Variants in ABCB1 observed in about 807,000 individuals in gnomAD.
ABCB1 encodes the protein ATP-dependent translocase ABCB1.
In ABCB1, 69 loss-of-function variants were observed where a neutral mutation model predicts 142.0. The observed-to-expected ratio is 0.49, with a 90% CI of 0.40 to 0.59. The LOEUF is 0.59. ABCB1 is among the 20% of genes least tolerant of loss of function. The pLI, the probability that ABCB1 is intolerant of heterozygous loss-of-function variation, is 0.00. For synonymous variants in ABCB1, 532 were observed against 539.2 expected, an observed-to-expected ratio of 0.99 and a Z score of 0.18; for missense variants, 1,326 against 1,554.7, an observed-to-expected ratio of 0.85 and a Z score of 2.47.
chr7:87,565,525 A>T (rs1156241232), intron 7 of ABCB1: 1 of 432,970 alleles, frequency 2.3e-6, no homozygotes, highest in Non-Finnish European at 4.6e-6. Flanking sequence ...ACTAGAAAGT[A>T]TCTGTTTTCT....
At chr7:87,633,614 A>G (rs1213223324) in intron 1 of ABCB1, among the ~76,000 whole-genome samples, 1 of 151,738 alleles carries the variant, frequency 6.6e-6, no homozygotes, top group Non-Finnish European at 1.5e-5. Context: ...TGACTTGCAG[A>G]TTATAATTGG....
At position 87,684,746 on chromosome 7, in the gene ABCB1, CAAAAAAAAAA is replaced by C. The variant is rs71524694; in HGVS notation, c.-331+28405_-331+28414del. 2.9e-4 allele frequency among the ~76,000 whole-genome samples: 11 copies of C among 37,792 alleles called. 1 individual carries two copies. Among genetic ancestry groups the C allele is most frequent in the East Asian group, 2.5e-3 (3 of 1,188 alleles). 24.8% of individuals were successfully genotyped at this position (37,792 alleles called of 152,430 possible). A position where few individuals can be genotyped will look rare whatever the true frequency, so the allele number is the denominator to read the frequency against. On this transcript the variant is annotated intron_variant, in intron 1 of 28. Coordinates refer to the ABCB1 transcript ENST00000265724. The stretch of plus-strand genomic sequence containing the variant: ...CTGGTGACAGAGTGAGACTCCGTCT[CAAAAAAAAAA>C]AAAAAAAAAAAAAAAAAGAATAGAA...
At chr7:87,639,509 G>T (rs1013004776) in intron 1 of ABCB1, among the ~76,000 whole-genome samples, 6 of 152,084 alleles carry the variant, frequency 3.9e-5, no homozygotes, top group African/African-American at 1.4e-4. Context: ...CTCTATGACT[G>T]TAGATTTGTC....
intron 7 of ABCB1, 69 bp downstream of exon 7, chr7:87,566,001 C>G: frequency 6.4e-7 from 1 of 1,560,208 alleles, no homozygotes; most frequent in Non-Finnish European, 8.8e-7. Context: ...GTAAAAAGAC[C>G]TTTCCGTAGG....
chr7:87,604,518 T>C (rs1303291713), upstream of ABCB1, among the ~76,000 whole-genome samples: 2 of 152,144 alleles, frequency 1.3e-5, no homozygotes, highest in African/African-American at 4.8e-5. Context: ...ATGAAGGACA[T>C]GTGATGATAG....
chr7:87,592,798 G>C (rs1303234724), intron 3 of ABCB1, among the ~76,000 whole-genome samples: 1 of 151,984 alleles, frequency 6.6e-6, no homozygotes, highest in Non-Finnish European at 1.5e-5. Context: ...ACAAATGCCT[G>C]GTACAAGGGA....
chr7:87,542,943 T>C (rs963153208), intron 17 of ABCB1, among the ~76,000 whole-genome samples: 1 of 152,192 alleles, frequency 6.6e-6, no homozygotes, highest in Non-Finnish European at 1.5e-5. Context: ...CTGGACCATA[T>C]ACTCTACAGA....
chr7:87,609,856 G>GA (rs969891806), intron 1 of ABCB1, among the ~76,000 whole-genome samples: 85 of 146,704 alleles, frequency 5.8e-4, no homozygotes, highest in South Asian at 2.0e-3. Flanking sequence ...TGCAAGATTT[G>GA]AAAAAAAAAA....
chr7:87,644,511 A>G (rs543453387), intron 1 of ABCB1, among the ~76,000 whole-genome samples: 11 of 152,338 alleles, frequency 7.2e-5, no homozygotes, highest in South Asian at 6.2e-4. Context: ...CATCACTCTT[A>G]TTAATGACTT....
intron 4 of ABCB1, among the ~76,000 whole-genome samples, chr7:87,578,700 T>C (rs1272395330): frequency 6.8e-6 from 1 of 147,954 alleles, no homozygotes; most frequent in Admixed American, 6.7e-5. Flanking sequence ...TTCTTTTTTT[T>C]TTTTTTTTTT....
intron 1 of ABCB1, among the ~76,000 whole-genome samples, chr7:87,609,298 C>T (rs745943472): frequency 2.0e-5 from 3 of 152,014 alleles, no homozygotes; most frequent in Admixed American, 6.6e-5. Context: ...TGGAGATCCT[C>T]GAATACTAAT....
chr7:87,566,361 T>G (rs1171106147), intron 6 of ABCB1, 120 bp from the exon 7 acceptor site: 5 of 1,042,666 alleles, frequency 4.8e-6, no homozygotes, highest in Non-Finnish European at 7.3e-6. Context: ...TATGCTTTGT[T>G]TTATTTAGCA....
chr7:87,521,933 C>T (rs1815527899), intron 21 of ABCB1: 1 of 781,910 alleles, frequency 1.3e-6, no homozygotes, highest in East Asian at 2.4e-5. Flanking sequence ...GACCATGACT[C>T]CATGGGTAAG....
chr7:87,672,413 A>T (rs1825916022), intron 1 of ABCB1, among the ~76,000 whole-genome samples: 1 of 152,092 alleles, frequency 6.6e-6, no homozygotes, highest in Non-Finnish European at 1.5e-5. Context: ...CTCCCTAGGG[A>T]GGTGCAGTGC....
chr7:87,706,707 G>A (rs191856594), intron 1 of ABCB1, among the ~76,000 whole-genome samples: 112 of 152,236 alleles, frequency 7.4e-4, no homozygotes, highest in Admixed American at 2.2e-3. Flanking sequence ...TTGTGGAGGT[G>A]GAGATTTTTA....
chr7:87,525,377 A>G (rs1292696235), intron 21 of ABCB1, among the ~76,000 whole-genome samples: 2 of 152,146 alleles, frequency 1.3e-5, no homozygotes, highest in African/African-American at 2.4e-5. Context: ...AGCATCTACA[A>G]TGGAGCCTTG....
At chr7:87,561,928 G>A (rs28381862) in intron 7 of ABCB1, among the ~76,000 whole-genome samples, 15,450 of 152,160 alleles carry the variant, frequency 0.1, 1,107 homozygotes, top group African/African-American at 0.2. Context: ...CGAGGCTGCC[G>A]TGAGCAGTGG....
chr7:87,546,583 T>A (rs1816794698), intron 14 of ABCB1, among the ~76,000 whole-genome samples: 1 of 134,040 alleles, frequency 7.5e-6, no homozygotes, highest in African/African-American at 2.7e-5. Context: ...AATAAAAAAA[T>A]AATAATAATC....
rs1260179273 is a variant in ABCB1, at chr7:87,531,515, T to C, written c.2482-18A>G. 1.2e-6 allele frequency: 2 copies of C among 1,608,624 alleles called. No individual in the cohort carries two copies. Among genetic ancestry groups the C allele is most frequent in the Non-Finnish European group, 1.7e-6 (2 of 1,177,434 alleles). On this transcript the variant is annotated intron_variant, in intron 20 of 27. Coordinates refer to ENST00000622132, the MANE Select transcript of ABCB1 (RefSeq NM_001348946.2). Reference sequence around the variant, plus strand: ...CCTATAGCCTGCAAAACAAAACAAATTAGAGAAATTTTAAAAATATTATCT... The same window carrying C: ...CCTATAGCCTGCAAAACAAAACAAACTAGAGAAATTTTAAAAATATTATCT...
Sources: gnomAD v4.1 joint callset for allele counts (sites outside exome capture counted in the v4.1 genomes callset) on GRCh38, gnomAD v4.1.1 for gene constraint, MANE v1.5 for transcripts, NCBI Gene and HGNC (gene_info 2026-07-23, HGNC 2026-07-21) for gene names.